Variants in FARS2 observed in about 807,000 individuals in gnomAD.
FARS2 encodes phenylalanine--tRNA ligase, mitochondrial.
FARS2 carries 40 observed loss-of-function variants against 46.4 expected under a neutral mutation model. The ratio of observed to expected loss-of-function variants is 0.86; its 90% CI spans 0.67 to 1.12. The LOEUF is 1.12. Among genes scored for constraint, FARS2 ranks in the 50% most tolerant of loss-of-function variants. FARS2 has a pLI of 0.00. For missense variants in FARS2, 513 were observed against 567.9 expected, an observed-to-expected ratio of 0.90 and a Z score of 0.98; for synonymous variants, 234 against 214.9, an observed-to-expected ratio of 1.09 and a Z score of -0.78.
At chr6:5,363,958 A>G (rs1332783078) in intron 1 of FARS2, among the ~76,000 whole-genome samples, 2 of 152,240 alleles carry the variant, frequency 1.3e-5, no homozygotes, top group Non-Finnish European at 2.9e-5. Flanking sequence ...AAACTATAAT[A>G]TAACTCGAAT....
intron 4 of FARS2, among the ~76,000 whole-genome samples, chr6:5,470,245 A>G (rs902672033): frequency 1.3e-5 from 2 of 152,260 alleles, no homozygotes; most frequent in African/African-American, 4.8e-5. Context: ...CAAGTAAAAA[A>G]CAATACAGTA....
chr6:5,465,415 C>T (rs9504401), intron 4 of FARS2, among the ~76,000 whole-genome samples: 4,492 of 152,200 alleles, frequency 0.03, 136 homozygotes, highest in East Asian at 0.088. Flanking sequence ...TAACTTAGTC[C>T]GGGCACTATA....
At chr6:5,385,087 C>G (rs1228695794) in intron 2 of FARS2, among the ~76,000 whole-genome samples, 1 of 152,188 alleles carries the variant, frequency 6.6e-6, no homozygotes, top group Non-Finnish European at 1.5e-5. Flanking sequence ...CAGGGAGGGA[C>G]TTCCCATAGA....
In FARS2 at chr6:5,261,975, C is replaced by T. The variant is rs181361834; in HGVS notation, c.-22+315C>T. 1.3e-3 allele frequency among the ~76,000 whole-genome samples: 193 copies of T among 152,304 alleles called. 1 individual carries two copies. The highest frequency in any genetic ancestry group is 4.3e-3 in the African/African-American group (180 of 41,560). On this transcript the variant is annotated intron_variant, in intron 1 of 6. Coordinates refer to ENST00000274680, the MANE Select transcript of FARS2 (RefSeq NM_006567.5). ...GGTGGATAAAGTTGCTTGTTCTGATCTTTGAGCATGGCACTGGACGCAGGA... is the reference window on the plus strand; with the variant it reads ...GGTGGATAAAGTTGCTTGTTCTGATTTTTGAGCATGGCACTGGACGCAGGA...
chr6:5,736,737 A>G (rs551566511), intron 6 of FARS2, among the ~76,000 whole-genome samples: 3 of 152,234 alleles, frequency 2.0e-5, no homozygotes, highest in East Asian at 3.9e-4. Flanking sequence ...AGCTTTAAAT[A>G]TAGACCAGCA....
intron 6 of FARS2, among the ~76,000 whole-genome samples, chr6:5,659,333 G>A (rs577191048): frequency 1.4e-4 from 21 of 152,234 alleles, no homozygotes; most frequent in Admixed American, 8.5e-4. Context: ...ACTTTGATTC[G>A]TTCTGTAACT....
rs972885797 is a variant in FARS2 at position 5,764,382 on chromosome 6, G to A, written c.1218-6909G>A. Among the ~76,000 whole-genome samples the A allele has an allele frequency of 6.6e-6, 1 of 152,044 alleles. No individual in the cohort carries two copies. Among genetic ancestry groups the A allele is most frequent in the Non-Finnish European group, 1.5e-5 (1 of 68,008 alleles). ...CCTCCTCCTCCTCCTGCCTTACTGTGCCTCTTGCCCGAGTCCAGCCCTACC... is the reference window on the plus strand; with the variant it reads ...CCTCCTCCTCCTCCTGCCTTACTGTACCTCTTGCCCGAGTCCAGCCCTACC... On this transcript the variant is annotated intron_variant, in intron 6 of 6. Transcript: ENST00000274680. This position sits in a 1 kb window ranked among gnomAD's most constrained non-coding sequence, Gnocchi z 4.1.
chr6:5,692,168 C>A (rs969902162), intron 6 of FARS2, among the ~76,000 whole-genome samples: 18 of 152,228 alleles, frequency 1.2e-4, no homozygotes, highest in South Asian at 6.2e-4. Flanking sequence ...TGCTTCGGCT[C>A]ATGCTCGGTG....
At chr6:5,576,898 C>T (rs1463814988) in intron 5 of FARS2, among the ~76,000 whole-genome samples, 1 of 151,876 alleles carries the variant, frequency 6.6e-6, no homozygotes, top group Non-Finnish European at 1.5e-5. Flanking sequence ...TTTCCAGCTG[C>T]CTCCTATGTC....
intron 6 of FARS2, among the ~76,000 whole-genome samples, chr6:5,719,442 G>GAGAGAAAGAGAAAAAGAA (rs140806785): frequency 6.9e-6 from 1 of 144,580 alleles, no homozygotes; most frequent in African/African-American, 2.6e-5. Flanking sequence ...AGGAAAGAAA[G>GAGAGAAAGAGAAAAAGAA]AGAGAAAGAG....
chr6:5,519,373 G>C (rs571571027), intron 4 of FARS2, among the ~76,000 whole-genome samples: 67 of 152,306 alleles, frequency 4.4e-4, no homozygotes, highest in Admixed American at 8.5e-4. Flanking sequence ...GTAAATGAGA[G>C]TTGAGGAAGT....
At chr6:5,696,451 T>C (rs1243372458) in intron 6 of FARS2, among the ~76,000 whole-genome samples, 3 of 152,180 alleles carry the variant, frequency 2.0e-5, no homozygotes, top group Admixed American at 1.3e-4. Context: ...ATATTTTTGC[T>C]CTGGATCTCA....
intron 4 of FARS2, among the ~76,000 whole-genome samples, chr6:5,476,198 G>T (rs900256264): frequency 6.6e-6 from 1 of 152,152 alleles, no homozygotes; most frequent in African/African-American, 2.4e-5. Flanking sequence ...CGGCGAACGG[G>T]AGAGAACCAG....
intron 4 of FARS2, among the ~76,000 whole-genome samples, chr6:5,525,287 A>T (rs1033925689): frequency 1.3e-5 from 2 of 148,984 alleles, no homozygotes; most frequent in African/African-American, 5.0e-5. Flanking sequence ...TTATGGTTAG[A>T]TTATTATTCC....
chr6:5,376,707 A>T (rs1181586890), intron 2 of FARS2, among the ~76,000 whole-genome samples: 2 of 152,134 alleles, frequency 1.3e-5, no homozygotes, highest in Non-Finnish European at 2.9e-5. Flanking sequence ...CTAAACTATC[A>T]TATCTTTTTA....
At chr6:5,263,782 C>A (rs111852386) in intron 1 of FARS2, among the ~76,000 whole-genome samples, 4 of 152,132 alleles carry the variant, frequency 2.6e-5, no homozygotes, top group African/African-American at 9.7e-5. Context: ...TTGTTAATGA[C>A]CACTTAATGC....
At chr6:5,416,160 T>C (rs1762227396) in intron 3 of FARS2, among the ~76,000 whole-genome samples, 1 of 152,196 alleles carries the variant, frequency 6.6e-6, no homozygotes, top group Non-Finnish European at 1.5e-5. Flanking sequence ...AGTTAACCAA[T>C]TTTTTTCTTT....
At chr6:5,518,532 T>C (rs1295617110) in intron 4 of FARS2, among the ~76,000 whole-genome samples, 8 of 152,052 alleles carry the variant, frequency 5.3e-5, no homozygotes, top group African/African-American at 1.9e-4. Context: ...GTGAGAAGTA[T>C]AGGAAGCAGA....
intron 6 of FARS2, among the ~76,000 whole-genome samples, chr6:5,685,400 C>G (rs1340868646): frequency 1.3e-5 from 2 of 152,186 alleles, no homozygotes; most frequent in Non-Finnish European, 2.9e-5. Context: ...CCAGTCCTTC[C>G]AACCCATCCT....
Sources: gnomAD v4.1 joint callset for allele counts (sites outside exome capture counted in the v4.1 genomes callset) on GRCh38, gnomAD v4.1.1 for gene constraint, Gnocchi (gnomAD v3.1) non-coding constraint, MANE v1.5 for transcripts, NCBI Gene and HGNC (gene_info 2026-07-23, HGNC 2026-07-21) for gene names.